Variants in PISD observed in about 807,000 individuals in gnomAD.
PISD encodes the protein phosphatidylserine decarboxylase.
In PISD, 31 loss-of-function variants were observed where a neutral mutation model predicts 43.5. That is an observed-to-expected ratio of 0.71 (90% CI 0.54 to 0.96). The LOEUF (loss-of-function observed/expected upper bound fraction) is 0.96, where lower values mean the gene tolerates loss of function less well. Among genes scored for constraint, PISD ranks in the 40% least tolerant of loss-of-function variants. PISD has a pLI of 0.00. For missense variants in PISD, 523 were observed against 548.4 expected (o/e 0.95, Z 0.46); for synonymous variants, 259 against 228.7 (o/e 1.13, Z -1.20).
chr22:31,647,619 T>C (rs1475529126), intron 3 of PISD, among the ~76,000 whole-genome samples: 9 of 152,226 alleles, frequency 5.9e-5, no homozygotes, highest in Admixed American at 5.2e-4. Context: ...ATGAACAAGA[T>C]GTTTCATTAC....
chr22:31,620,020 C>T (rs1490898296), intron 7 of PISD, among the ~76,000 whole-genome samples, 184 bp from the exon 8 acceptor site: 1 of 152,242 alleles, frequency 6.6e-6, no homozygotes, highest in Non-Finnish European at 1.5e-5. Context: ...ATCTCACACA[C>T]AGCCTTGACA....
chr22:31,641,987 C>G (rs2073744485), intron 3 of PISD, among the ~76,000 whole-genome samples: 1 of 151,152 alleles, frequency 6.6e-6, no homozygotes, highest in African/African-American at 2.5e-5. Flanking sequence ...TGTCCATACC[C>G]TTTCAGGCAG....
chr22:31,658,642 T>C (rs2074241630), intron 1 of PISD, among the ~76,000 whole-genome samples: 1 of 151,850 alleles, frequency 6.6e-6, no homozygotes, highest in Non-Finnish European at 1.5e-5. Context: ...CTCGACCTCC[T>C]GGGCACAAGT....
rs1469171426 is a variant in PISD at position 31,619,143 on chromosome 22, G to C, written c.*469C>G. The C allele has an allele frequency of 3.9e-6, 1 of 259,470 alleles. No individual in the cohort carries two copies. The highest frequency in any genetic ancestry group is 2.3e-5 in the African/African-American group (1 of 44,050). 16.1% of individuals were successfully genotyped at this position (259,470 alleles called of 1,614,324 possible). A position where few individuals can be genotyped will look rare whatever the true frequency, so the allele number is the denominator to read the frequency against. On this transcript the variant is annotated 3_prime_UTR_variant, in exon 8 of 8. Coordinates refer to ENST00000439502, the MANE Select transcript of PISD (RefSeq NM_001326411.2). Reference sequence around the variant, plus strand: ...TCACGAAGGCTGTGTGGCTCTGCTGGGGGAGAGGCATCCACAGTCTGTGCC... The same window carrying C: ...TCACGAAGGCTGTGTGGCTCTGCTGCGGGAGAGGCATCCACAGTCTGTGCC...
At chr22:31,619,936 C>T in intron 7 of PISD, 100 bp from the exon 8 acceptor site, 2 of 762,300 alleles carry the variant, frequency 2.6e-6, no homozygotes, top group South Asian at 1.8e-5. Flanking sequence ...TGCTTGTCCC[C>T]ACCACCACCC....
At chr22:31,631,326 C>T (rs2073197825) in intron 3 of PISD, among the ~76,000 whole-genome samples, 1 of 152,198 alleles carries the variant, frequency 6.6e-6, no homozygotes, top group South Asian at 2.1e-4. Flanking sequence ...CCTGCTAGCC[C>T]TAGGAAGCTC....
chr22:31,627,268 G>A (rs1356356495), intron 3 of PISD, among the ~76,000 whole-genome samples: 2 of 152,226 alleles, frequency 1.3e-5, no homozygotes, highest in African/African-American at 4.8e-5. Flanking sequence ...CAGGCAGGAG[G>A]GCGCCTACCC....
intron 3 of PISD, among the ~76,000 whole-genome samples, chr22:31,636,152 G>A (rs139851887): frequency 2.4e-3 from 371 of 152,368 alleles, no homozygotes; most frequent in Middle Eastern, 0.014. Flanking sequence ...GCTCCAGGAA[G>A]GGGACAGGGA....
chr22:31,637,207 A>G (rs1223499219), intron 3 of PISD, among the ~76,000 whole-genome samples: 41 of 116,270 alleles, frequency 3.5e-4, no homozygotes, highest in East Asian at 5.4e-4. Flanking sequence ...ATATATATAT[A>G]GAAAAATTAG....
In PISD at chr22:31,640,880, G is replaced by GTTTTTT. The variant is rs1214973570; in HGVS notation, c.321+7215_321+7220dup. ...ACAGGCATGAGCCACCACACCCGGT[G>GTTTTTT]TTTTTTTTTTTTTTTTTTTTTTTTG... On this transcript the variant is annotated intron_variant, in intron 3 of 7. Coordinates refer to ENST00000439502, the MANE Select transcript of PISD (RefSeq NM_001326411.2). Among the ~76,000 whole-genome samples, 226 of 24,594 alleles carry GTTTTTT rather than the reference G, an allele frequency of 9.2e-3. 51 individuals carry two copies. The highest frequency in any genetic ancestry group is 0.04 in the African/African-American group (222 of 5,536). 16.1% of individuals were successfully genotyped at this position (24,594 alleles called of 152,430 possible).
chr22:31,632,910 A>AT (rs1379170353), intron 3 of PISD, among the ~76,000 whole-genome samples: 1 of 152,170 alleles, frequency 6.6e-6, no homozygotes, highest in Non-Finnish European at 1.5e-5. Flanking sequence ...CAATCAGCCT[A>AT]TGGTAAAACT....
intron 3 of PISD, chr22:31,638,560 AG>A: frequency 1.0e-6 from 1 of 985,122 alleles, no homozygotes; most frequent in Non-Finnish European, 1.2e-6. Context: ...ACGGGTAGTA[AG>A]GACACCCGCA....
intron 1 of PISD, 139 bp downstream of exon 1, chr22:31,662,005 T>G: frequency 1.3e-6 from 1 of 748,108 alleles, no homozygotes; most frequent in Non-Finnish European, 2.3e-6. Context: ...CACCTGCTCC[T>G]AAGCTCGAGG....
At chr22:31,661,476 G>GA (rs1238046035) in intron 1 of PISD, among the ~76,000 whole-genome samples, 1 of 152,174 alleles carries the variant, frequency 6.6e-6, no homozygotes, top group Non-Finnish European at 1.5e-5. Flanking sequence ...CAGCCTGAGA[G>GA]AAAGATCGTC....
intron 3 of PISD, among the ~76,000 whole-genome samples, chr22:31,647,050 T>G (rs1006275862): frequency 6.6e-6 from 1 of 151,858 alleles, no homozygotes; most frequent in Non-Finnish European, 1.5e-5. Context: ...AGAAATCAAG[T>G]GAAGTCTGTA....
intron 1 of PISD, among the ~76,000 whole-genome samples, chr22:31,658,855 CTT>C (rs112877920): frequency 3.5e-4 from 42 of 118,472 alleles, no homozygotes; most frequent in East Asian, 5.0e-4. Context: ...TTTTCTTTTT[CTT>C]TTTTTTTTTT....
rs543537192 is a variant in PISD, at chr22:31,628,723, G to A, written c.322-6838C>T. On this transcript the variant is annotated intron_variant, in intron 3 of 7. Transcript: ENST00000439502. The stretch of plus-strand genomic sequence containing the variant: ...GTTTGTACATCTGGAAAATGGGAAA[G>A]GAAATTCCTCCTGGCCACCCCCTTG... The A allele has an allele frequency of 1.0e-5, 6 of 595,462 alleles. No homozygotes were observed. The East Asian group carries it at 5.6e-4, about 56-fold the overall frequency. 36.9% of individuals were successfully genotyped at this position (595,462 alleles called of 1,614,324 possible). A position where few individuals can be genotyped will look rare whatever the true frequency, so the allele number is the denominator to read the frequency against.
intron 1 of PISD, among the ~76,000 whole-genome samples, chr22:31,655,794 C>T (rs2074153943): frequency 6.6e-6 from 1 of 151,966 alleles, no homozygotes; most frequent in Non-Finnish European, 1.5e-5. Flanking sequence ...GCCACCACAC[C>T]CAGCTAATTT....
intron 1 of PISD, among the ~76,000 whole-genome samples, chr22:31,657,244 C>G (rs2074204893): frequency 6.6e-6 from 1 of 151,844 alleles, no homozygotes; most frequent in African/African-American, 2.4e-5. Flanking sequence ...TCAAGCAATT[C>G]TCTGCCTCAG....
Sources: gnomAD v4.1 joint callset for allele counts (sites outside exome capture counted in the v4.1 genomes callset) on GRCh38, gnomAD v4.1.1 for gene constraint, MANE v1.5 for transcripts, NCBI Gene and HGNC (gene_info 2026-07-23, HGNC 2026-07-21) for gene names.